The following DBF4 variants were observed in gnomAD, a reference collection of about 807,000 sequenced individuals.
DBF4 encodes the protein DBF4-CDC7 kinase regulatory subunit.
DBF4 carries 25 observed loss-of-function variants against 76.6 expected under a neutral mutation model. The observed-to-expected ratio is 0.33, with a 90% CI of 0.24 to 0.46. The LOEUF (loss-of-function observed/expected upper bound fraction) is 0.46. DBF4 is among the 20% of genes least tolerant of loss of function. DBF4 has a pLI of 1.00. For missense variants in DBF4, 638 were observed against 760.8 expected (o/e 0.84, Z 1.90); for synonymous variants, 213 against 258.0 (o/e 0.83, Z 1.67).
intron 8 of DBF4, among the ~76,000 whole-genome samples, 163 bp downstream of exon 8, chr7:87,897,502 A>G (rs1174753043): frequency 6.6e-6 from 1 of 152,160 alleles, no homozygotes; most frequent in East Asian, 1.9e-4. Context: ...GCATTAATTC[A>G]TTTGTGCTCA....
At chr7:87,887,878 A>G in intron 5 of DBF4, 105 bp from the exon 6 acceptor site, 5 of 1,111,086 alleles carry the variant, frequency 4.5e-6, no homozygotes, top group Non-Finnish European at 6.3e-6. Flanking sequence ...CATAAGAGAT[A>G]CCTATAATGG....
chr7:87,900,703 A>T, intron 9 of DBF4, 61 bp from the exon 10 acceptor site: 1 of 1,376,710 alleles, frequency 7.3e-7, no homozygotes, highest in Non-Finnish European at 1.0e-6. Context: ...AGGACAATAA[A>T]TTTTTAAAGT....
chr7:87,886,535 CA>C (rs11411808), intron 3 of DBF4, among the ~76,000 whole-genome samples: 1,055 of 54,236 alleles, frequency 0.019, 2 homozygotes, highest in African/African-American at 0.057. Context: ...ACTTTGTCTC[CA>C]AAAAAAAAAA....
intron 7 of DBF4, 21 bp from the exon 8 acceptor site, chr7:87,897,271 AAT>A: frequency 6.3e-7 from 1 of 1,597,624 alleles, no homozygotes; most frequent in East Asian, 2.2e-5. Context: ...GCAAGTATCT[AAT>A]ATGTTTTCTA....
At chr7:87,896,308 TATTGTAAAACATTTAAAA>T (rs1839637498) in intron 6 of DBF4, 148 bp from the exon 7 acceptor site, 3 of 588,890 alleles carry the variant, frequency 5.1e-6, no homozygotes, top group Non-Finnish European at 5.9e-6. Context: ...TTGCTGAGTG[TATTGTAAAACATTTAAAA>T]ACAATAGTTT....
At chr7:87,889,633 G>A (rs985256510) in intron 6 of DBF4, among the ~76,000 whole-genome samples, 9 of 152,042 alleles carry the variant, frequency 5.9e-5, no homozygotes, top group Admixed American at 4.6e-4. Context: ...TATACATGCC[G>A]TATATAAGGC....
intron 10 of DBF4, 36 bp downstream of exon 10, chr7:87,900,914 A>T (rs1168075851): frequency 6.6e-7 from 1 of 1,522,838 alleles, no homozygotes; most frequent in African/African-American, 1.4e-5. Flanking sequence ...GCTTGTTTCG[A>T]AAACTGTAAT....
At chr7:87,880,394 T>C (rs1211115219) in intron 2 of DBF4, among the ~76,000 whole-genome samples, 2 of 152,218 alleles carry the variant, frequency 1.3e-5, no homozygotes, top group Admixed American at 6.5e-5. Context: ...AATTTTCCTT[T>C]GGATTTCCCA....
intron 6 of DBF4, among the ~76,000 whole-genome samples, chr7:87,894,178 G>T (rs896587835): frequency 6.6e-6 from 1 of 152,222 alleles, no homozygotes; most frequent in African/African-American, 2.4e-5. Context: ...TTTTAGGGCT[G>T]GGCCTGGTGG....
intron 2 of DBF4, among the ~76,000 whole-genome samples, chr7:87,883,406 A>G (rs1839265204): frequency 6.6e-6 from 1 of 152,188 alleles, no homozygotes; most frequent in East Asian, 1.9e-4. Context: ...ACACTTAAAA[A>G]TGGTTAAAAT....
At position 87,885,008 on chromosome 7, in the gene DBF4, C is replaced by T; in HGVS notation, c.249C>T (p.Ile83=). ...TTGAAGAATTTCTCAGCAAAGATAT[C>T]AGTTATCTTATTTCAAATAAGAAGG... ...GRVEEFLSKD[I]SYLISNKKEA... is the part of the protein sequence containing the mutation. Residue 83 remains isoleucine (I), a synonymous_variant, in exon 3 of 12, where the codon ATC becomes ATT. Coordinates refer to ENST00000265728, the MANE Select transcript of DBF4 (RefSeq NM_006716.4). 6.2e-7 allele frequency: 1 copy of T among 1,612,226 alleles called. No individual in the cohort carries two copies. The highest frequency in any genetic ancestry group is 1.1e-5 in the South Asian group (1 of 90,912).
intron 10 of DBF4, among the ~76,000 whole-genome samples, chr7:87,901,671 TATAGTTTG>T (rs1006888187): frequency 1.3e-5 from 2 of 152,208 alleles, no homozygotes; most frequent in African/African-American, 4.8e-5. Flanking sequence ...GGGGAACTAT[TATAGTTTG>T]TAAACTGATG....
At chr7:87,905,426 A>C (rs6947312) in intron 11 of DBF4, among the ~76,000 whole-genome samples, 36,280 of 151,996 alleles carry the variant, frequency 0.24, 4,830 homozygotes, top group African/African-American at 0.34. Context: ...TTTTAAGAAA[A>C]CTTCCTCCAC....
rs1480935636 is a variant in DBF4, at chr7:87,907,362, GCTC to G, written c.1227_1229del (p.Leu410del). 1.2e-6 allele frequency: 2 copies of G among 1,613,808 alleles called. No individual in the cohort carries two copies. Among genetic ancestry groups the G allele is most frequent in the Non-Finnish European group, 1.7e-6 (2 of 1,179,916 alleles). On this transcript the variant is annotated inframe_deletion, in exon 12 of 12. Coordinates refer to ENST00000265728, the MANE Select transcript of DBF4 (RefSeq NM_006716.4). Reference sequence around the variant, plus strand: ...AAGAGACCCAGGAAACTGAAAAAAAGCTCCTGTTTATTTCAGAGCCCATCCCCC... The same window carrying G: ...AAGAGACCCAGGAAACTGAAAAAAAGCTGTTTATTTCAGAGCCCATCCCCC...
At chr7:87,882,968 T>C (rs1839253755) in intron 2 of DBF4, among the ~76,000 whole-genome samples, 1 of 152,126 alleles carries the variant, frequency 6.6e-6, no homozygotes, top group African/African-American at 2.4e-5. Flanking sequence ...ACATACAAAA[T>C]AATTGAAAGC....
rs1229107302 is a variant in DBF4, at chr7:87,878,157, T to C, written c.151T>C (p.Phe51Leu). 5.0e-6 allele frequency: 8 copies of C among 1,613,382 alleles called. No homozygotes were observed. Among genetic ancestry groups the C allele is most frequent in the African/African-American group, 1.3e-5 (1 of 74,876 alleles). ...SKCKPLWGKV[F>L]YLDLPSVTIS... ...ATGTAAGCCACTTTGGGGAAAAGTA[T>C]TTTACCTTGACTTACCTTCTGTCAC... Residue 51 changes from phenylalanine (F) to leucine (L), a missense_variant, in exon 2 of 12, where the codon TTT (phenylalanine) becomes CTT (leucine). Phe to Leu is a conservative substitution (Grantham distance 22, BLOSUM62 0). Transcript: ENST00000265728.
intron 7 of DBF4, 83 bp downstream of exon 7, chr7:87,896,593 T>G: frequency 1.6e-6 from 2 of 1,217,064 alleles, no homozygotes; most frequent in Non-Finnish European, 1.2e-6. Flanking sequence ...TAAACCACCC[T>G]CTAAATGATT....
At chr7:87,903,074 TTTTTG>T (rs1839827739) in intron 10 of DBF4, among the ~76,000 whole-genome samples, 1 of 152,146 alleles carries the variant, frequency 6.6e-6, no homozygotes, top group Admixed American at 6.5e-5. Flanking sequence ...TTGACCACTC[TTTTTG>T]TTTTGTTTTT....
chr7:87,897,189 C>T (rs1053330916), intron 7 of DBF4, 105 bp from the exon 8 acceptor site: 1 of 1,029,788 alleles, frequency 9.7e-7, no homozygotes. Context: ...AAAGTGGATA[C>T]ATAGTTTTTT....
Sources: gnomAD v4.1 joint callset for allele counts (sites outside exome capture counted in the v4.1 genomes callset) on GRCh38, gnomAD v4.1.1 for gene constraint, MANE v1.5 for transcripts, NCBI Gene and HGNC (gene_info 2026-07-23, HGNC 2026-07-21) for gene names.